APLF: variants seen among roughly 807,000 people sequenced by gnomAD.
APLF encodes aprataxin and PNKP like factor, also known as aprataxin and PNK-like factor.
Under a neutral mutation model 55.6 loss-of-function variants are expected in APLF, and 61 were observed. The ratio of observed to expected loss-of-function variants is 1.10; its 90% CI spans 0.89 to 1.36. The LOEUF (loss-of-function observed/expected upper bound fraction) is 1.36. APLF is among the 40% of genes most tolerant of loss of function. The pLI is 0.00. For synonymous variants in APLF, 207 were observed against 214.8 expected, an observed-to-expected ratio of 0.96 and a Z score of 0.32; for missense variants, 611 against 602.5, an observed-to-expected ratio of 1.01 and a Z score of -0.15.
At chr2:68,496,780 G>A (rs13400463) in intron 2 of APLF, among the ~76,000 whole-genome samples, 36,009 of 152,060 alleles carry the variant, frequency 0.24, 6,818 homozygotes, top group African/African-American at 0.53. Context: ...TCTAGTTCCC[G>A]ATAAGTTCCT....
chr2:68,469,355 C>G (rs1484459738), intron 1 of APLF, among the ~76,000 whole-genome samples: 2 of 151,908 alleles, frequency 1.3e-5, no homozygotes, highest in African/African-American at 4.8e-5. Context: ...ATTTTAGGGC[C>G]GTGGTTTAGA....
At chr2:68,544,179 G>A (rs1046443615) in intron 7 of APLF, among the ~76,000 whole-genome samples, 47 of 151,926 alleles carry the variant, frequency 3.1e-4, no homozygotes, top group African/African-American at 8.7e-4. Context: ...GGGTTTCACC[G>A]TGTTGGCCAG....
At chr2:68,570,045 G>A (rs1460298231) in intron 9 of APLF, among the ~76,000 whole-genome samples, 1 of 151,930 alleles carries the variant, frequency 6.6e-6, no homozygotes, top group Admixed American at 6.6e-5. Context: ...TTTAATTTCT[G>A]ATTTGTAATA....
intron 1 of APLF, among the ~76,000 whole-genome samples, chr2:68,473,018 T>A (rs1558524587): frequency 6.6e-6 from 1 of 152,186 alleles, no homozygotes; most frequent in East Asian, 1.9e-4. Context: ...CACATTGACA[T>A]GTCATTATCA....
intron 2 of APLF, among the ~76,000 whole-genome samples, chr2:68,497,483 G>T (rs919969481): frequency 4.0e-5 from 6 of 151,728 alleles, no homozygotes; most frequent in South Asian, 2.1e-4. Flanking sequence ...TATAGGATTT[G>T]CCTGCTTCCC....
intron 1 of APLF, among the ~76,000 whole-genome samples, chr2:68,477,317 C>G (rs1018806378): frequency 6.6e-6 from 1 of 152,102 alleles, no homozygotes. Flanking sequence ...GTTCAACTCT[C>G]CAGTAAATTG....
At chr2:68,519,464 A>G (rs942873945) in intron 5 of APLF, among the ~76,000 whole-genome samples, 35 of 149,574 alleles carry the variant, frequency 2.3e-4, no homozygotes, top group Middle Eastern at 3.5e-3. Context: ...CAATTCTGAA[A>G]GAAAAGGAGT....
At chr2:68,503,665 GATA>G (rs1193636115) in intron 3 of APLF, among the ~76,000 whole-genome samples, 2 of 152,158 alleles carry the variant, frequency 1.3e-5, no homozygotes, top group East Asian at 3.9e-4. Flanking sequence ...TGAACAGAGT[GATA>G]CTGAAAACAG....
At chr2:68,539,596 G>A (rs1313875269) in intron 7 of APLF, among the ~76,000 whole-genome samples, 1 of 152,104 alleles carries the variant, frequency 6.6e-6, no homozygotes, top group Admixed American at 6.5e-5. Flanking sequence ...TTCAACATAT[G>A]AATTTTGGGA....
intron 1 of APLF, among the ~76,000 whole-genome samples, chr2:68,488,913 G>A (rs1452602374): frequency 6.6e-6 from 1 of 151,918 alleles, no homozygotes; most frequent in East Asian, 1.9e-4. Flanking sequence ...CATGGCACAT[G>A]TATACATATG....
intron 8 of APLF, among the ~76,000 whole-genome samples, chr2:68,558,103 T>C (rs1018870476): frequency 6.6e-6 from 1 of 152,128 alleles, no homozygotes; most frequent in African/African-American, 2.4e-5. Flanking sequence ...TCCGCTGTAA[T>C]TTTTTTAAAC....
intron 3 of APLF, among the ~76,000 whole-genome samples, chr2:68,509,962 G>A (rs907764770): frequency 4.0e-5 from 6 of 150,574 alleles, no homozygotes; most frequent in South Asian, 2.1e-4. Context: ...GCAAACTATC[G>A]CAAGGACAAA....
chr2:68,479,582 C>G (rs942600178), intron 1 of APLF, among the ~76,000 whole-genome samples: 1 of 152,208 alleles, frequency 6.6e-6, no homozygotes, highest in African/African-American at 2.4e-5. Context: ...CAAACCAACA[C>G]TAAACACTGT....
At chr2:68,471,952 A>C (rs1170744514) in intron 1 of APLF, among the ~76,000 whole-genome samples, 3 of 152,158 alleles carry the variant, frequency 2.0e-5, no homozygotes, top group Non-Finnish European at 2.9e-5. Flanking sequence ...GAGGCATGAG[A>C]CATCAATCAA....
In APLF at chr2:68,526,051, T is replaced by A. The variant is rs562863496; in HGVS notation, c.623-10T>A. On this transcript the variant is annotated splice_polypyrimidine_tract_variant and intron_variant, in intron 5 of 9. Coordinates refer to ENST00000303795, the MANE Select transcript of APLF (RefSeq NM_173545.3). ...AAGATAATTTTCTTCTTTTTCTTTATGTGTTTAAGGTAATGTAATCCAGGG... is the reference window on the plus strand; with the variant it reads ...AAGATAATTTTCTTCTTTTTCTTTAAGTGTTTAAGGTAATGTAATCCAGGG... 25 of 1,583,874 alleles carry A rather than the reference T, an allele frequency of 1.6e-5. No individual in the cohort carries two copies. In the African/African-American group the frequency reaches 2.6e-4, roughly 16 times the overall value.
chr2:68,545,167 T>C lies in APLF; in HGVS notation c.1161-20T>C. On this transcript the variant is annotated intron_variant, in intron 7 of 9. Transcript: ENST00000303795. ...ATATCCTATTTTTTTTTTCTGACAG[T>C]ATATTTGTCGCCCTCCTAGGAAGAA... The C allele has an allele frequency of 6.2e-7, 1 of 1,610,608 alleles. No homozygotes were observed. The highest frequency in any genetic ancestry group is 8.5e-7 in the Non-Finnish European group (1 of 1,178,286).
In APLF at chr2:68,514,549, C is replaced by T. The variant is rs141654019; in HGVS notation, c.622+869C>T. On this transcript the variant is annotated intron_variant, in intron 5 of 9. Transcript: ENST00000303795. Reference sequence around the variant, plus strand: ...CACTTTCCAGCTGCTGCGTTTTTCTCTGGGTCCTTGGGCCCCATACAAATG... The same window carrying T: ...CACTTTCCAGCTGCTGCGTTTTTCTTTGGGTCCTTGGGCCCCATACAAATG... Among the ~76,000 whole-genome samples the T allele has an allele frequency of 6.4e-3, 966 of 151,958 alleles. 2 individuals are homozygous for T. Among genetic ancestry groups the T allele is most frequent in the South Asian group, 0.01 (49 of 4,822 alleles).
At chr2:68,573,173 C>A (rs1463579802) in intron 9 of APLF, among the ~76,000 whole-genome samples, 4 of 152,054 alleles carry the variant, frequency 2.6e-5, no homozygotes, top group African/African-American at 9.7e-5. Flanking sequence ...CATGGTAGAT[C>A]AGCATTACCC....
chr2:68,513,787 G>T, intron 5 of APLF, 107 bp downstream of exon 5: 14 of 1,309,066 alleles, frequency 1.1e-5, no homozygotes, highest in Non-Finnish European at 1.3e-5. Context: ...ATAGAGTAGA[G>T]GTTGTGTAAG....
Sources: allele counts gnomAD v4.1 joint callset (sites outside exome capture counted in the v4.1 genomes callset), GRCh38; gene constraint gnomAD v4.1.1; transcripts MANE v1.5; gene names NCBI Gene and HGNC (gene_info 2026-07-23, HGNC 2026-07-21).